OR51E1: variants seen among roughly 807,000 people sequenced by gnomAD.
OR51E1 encodes olfactory receptor family 51 subfamily E member 1, also known as olfactory receptor 51E1.
OR51E1 carries 9 observed loss-of-function variants against 11.5 expected under a neutral mutation model. That is an observed-to-expected ratio of 0.78 (90% CI 0.47 to 1.37). OR51E1 has a LOEUF of 1.37. Ranked by LOEUF, OR51E1 falls within the 40% of genes most tolerant of loss-of-function variation. OR51E1 has a pLI of 0.00. For missense variants in OR51E1, 397 were observed against 410.2 expected, an observed-to-expected ratio of 0.97 and a Z score of 0.28; for synonymous variants, 168 against 158.3, an observed-to-expected ratio of 1.06 and a Z score of -0.46.
Position 4,653,544 on chromosome 11 carries a change from A to T in OR51E1, c.*61A>T. On this transcript the variant is annotated 3_prime_UTR_variant, in exon 2 of 2. Transcript: ENST00000396952. ...CTCTGATTCAGATTTTAATGTTAAC[A>T]TTTTGGAAGACAGTATTCAGAAAAA... The T allele has an allele frequency of 9.4e-7, 1 of 1,067,992 alleles. No individual in the cohort carries two copies. The highest frequency in any genetic ancestry group is 1.4e-6 in the Non-Finnish European group (1 of 729,786). 66.2% of individuals were successfully genotyped at this position (1,067,992 alleles called of 1,614,324 possible).
intron 1 of OR51E1, among the ~76,000 whole-genome samples, chr11:4,649,099 CAA>C (rs976676152): frequency 1.3e-5 from 2 of 152,034 alleles, no homozygotes; most frequent in Non-Finnish European, 2.9e-5. Flanking sequence ...TTTCATCTTC[CAA>C]AACATTAACT....
intron 1 of OR51E1, among the ~76,000 whole-genome samples, chr11:4,647,175 C>A (rs10836412): frequency 0.12 from 18,410 of 152,158 alleles, 1,466 homozygotes; most frequent in East Asian, 0.38. Flanking sequence ...ATACAGATGG[C>A]ACTGTATAGT....
At chr11:4,648,421 G>C (rs1847054841) in intron 1 of OR51E1, among the ~76,000 whole-genome samples, 1 of 152,178 alleles carries the variant, frequency 6.6e-6, no homozygotes, top group African/African-American at 2.4e-5. Flanking sequence ...AATGCACTAT[G>C]TGTACTCCGA....
chr11:4,653,355 A>T lies in OR51E1; in HGVS notation c.829A>T (p.Ile277Phe). The change falls in exon 2 of 2, where the codon ATC (isoleucine) becomes TTC (phenylalanine). Residue 277 changes from isoleucine to phenylalanine, a missense_variant. By Grantham distance (21) the Ile-to-Phe change is conservative. Transcript: ENST00000396952. Reference sequence around the variant, plus strand: ...GCGGCGTGACTCTCCGCTGCCCGTCATCTTGGCCAATATCTATCTGCTGGT... The same window carrying T: ...GCGGCGTGACTCTCCGCTGCCCGTCTTCTTGGCCAATATCTATCTGCTGGT... ...SKRRDSPLPV[I>F]LANIYLLVPP... 6.2e-7 allele frequency: 1 copy of T among 1,614,036 alleles called. No individual in the cohort carries two copies. Among genetic ancestry groups the T allele is most frequent in the Non-Finnish European group, 8.5e-7 (1 of 1,179,910 alleles).
chr11:4,647,988 T>A (rs747024759), intron 1 of OR51E1, among the ~76,000 whole-genome samples: 5 of 152,188 alleles, frequency 3.3e-5, no homozygotes, highest in Non-Finnish European at 7.3e-5. Flanking sequence ...CACCTGGAAG[T>A]CATCTGGTCA....
In OR51E1 at chr11:4,652,899, C is replaced by A; in HGVS notation, c.373C>A (p.Arg125Ser). The A allele has an allele frequency of 2.5e-6, 4 of 1,612,148 alleles. No individual in the cohort carries two copies. Among genetic ancestry groups the A allele is most frequent in the Non-Finnish European group, 3.4e-6 (4 of 1,178,848 alleles). ...STVLLAMAFD[R>S]YVAICHPLRH... ...AGTGCTGCTGGCCATGGCTTTTGACCGCTATGTGGCCATCTGTCACCCACT... is the reference window on the plus strand; with the variant it reads ...AGTGCTGCTGGCCATGGCTTTTGACAGCTATGTGGCCATCTGTCACCCACT... The change falls in exon 2 of 2, where the codon CGC (arginine) becomes AGC (serine). Residue 125 changes from arginine to serine, a missense_variant. Physicochemically the swap from Arg to Ser is moderately radical, Grantham distance 110 (BLOSUM62 -1). Coordinates refer to ENST00000396952, the MANE Select transcript of OR51E1 (RefSeq NM_152430.4).
intron 1 of OR51E1, among the ~76,000 whole-genome samples, chr11:4,644,307 G>A (rs1847001624): frequency 6.6e-6 from 1 of 152,130 alleles, no homozygotes; most frequent in African/African-American, 2.4e-5. Flanking sequence ...AGGCTGGCAG[G>A]GGCTGATGTG....
chr11:4,645,088 T>C (rs1044205197), intron 1 of OR51E1, among the ~76,000 whole-genome samples: 2 of 150,866 alleles, frequency 1.3e-5, no homozygotes, highest in East Asian at 3.9e-4. Context: ...CCAGTATGAG[T>C]GTCCTGCACC....
In OR51E1 at chr11:4,652,700, G is replaced by T; in HGVS notation, c.174G>T (p.Leu58=). Residue 58 remains leucine (L), a synonymous_variant, in exon 2 of 2, where the codon CTG becomes CTT. Transcript: ENST00000396952. Reference sequence around the variant, plus strand: ...ACATTGTGCGGACTGAGCACAGCCTGCATGAGCCCATGTATATATTTCTTT... The same window carrying T: ...ACATTGTGCGGACTGAGCACAGCCTTCATGAGCCCATGTATATATTTCTTT... ...IIYIVRTEHS[L]HEPMYIFLCM... The T allele has an allele frequency of 1.2e-6, 2 of 1,614,060 alleles. No individual in the cohort carries two copies. Among genetic ancestry groups the T allele is most frequent in the African/African-American group, 2.7e-5 (2 of 75,046 alleles).
Position 4,654,300 on chromosome 11 carries a change from T to A in OR51E1, c.*817T>A, listed in dbSNP as rs1038466127. On this transcript the variant is annotated 3_prime_UTR_variant, in exon 2 of 2. Coordinates refer to ENST00000396952, the MANE Select transcript of OR51E1 (RefSeq NM_152430.4). Reference sequence around the variant, plus strand: ...GACCAACAGGGTAGTGGGTTAGAGATTTCCAGAGTCTTACATTTTCTAGAG... The same window carrying A: ...GACCAACAGGGTAGTGGGTTAGAGAATTCCAGAGTCTTACATTTTCTAGAG... 6.0e-6 allele frequency: 1 copy of A among 167,078 alleles called. No homozygotes were observed. Among genetic ancestry groups the A allele is most frequent in the Admixed American group, 6.5e-5 (1 of 15,280 alleles). The allele number at this position is 167,078 out of a possible 1,614,324, so 10.3% of individuals were successfully genotyped here. A position where few individuals can be genotyped will look rare whatever the true frequency, so the allele number is the denominator to read the frequency against.
rs1847136947 is a variant in OR51E1 at position 4,653,898 on chromosome 11, A to G, written c.*415A>G. 1 of 168,946 alleles carries G rather than the reference A, an allele frequency of 5.9e-6. No homozygotes were observed. Among genetic ancestry groups the G allele is most frequent in the African/African-American group, 2.4e-5 (1 of 41,498 alleles). The allele number at this position is 168,946 out of a possible 1,614,324, so 10.5% of individuals were successfully genotyped here. The stretch of plus-strand genomic sequence containing the variant: ...TTAAAACTATAACTTCCTCTTCAGA[A>G]CTCCCAACCACATTGGATCTCAGAA... On this transcript the variant is annotated 3_prime_UTR_variant, in exon 2 of 2. Coordinates refer to ENST00000396952, the MANE Select transcript of OR51E1 (RefSeq NM_152430.4).
Position 4,653,274 on chromosome 11 carries a change from G to A in OR51E1, c.748G>A (p.Val250Met), listed in dbSNP as rs779623409. ...FGTCVSHVCA[V>M]FIFYVPFIGL... ...CACTTGCGTCTCTCATGTGTGTGCTGTGTTCATATTCTATGTACCTTTCAT... is the reference window on the plus strand; with the variant it reads ...CACTTGCGTCTCTCATGTGTGTGCTATGTTCATATTCTATGTACCTTTCAT... Residue 250 changes from valine (V) to methionine (M), a missense_variant, in exon 2 of 2, where the codon GTG becomes ATG. Coordinates refer to ENST00000396952, the MANE Select transcript of OR51E1 (RefSeq NM_152430.4). 5.0e-6 allele frequency: 8 copies of A among 1,614,140 alleles called. No homozygotes were observed. Among genetic ancestry groups the A allele is most frequent in the Non-Finnish European group, 6.8e-6 (8 of 1,180,014 alleles).
rs769042838 is a variant in OR51E1, at chr11:4,652,842, G to T, written c.316G>T (p.Ala106Ser). The stretch of plus-strand genomic sequence containing the variant: ...TGATGCTTGTCTGCTACAGATGTTT[G>T]CCATCCACTCCTTATCTGGCATGGA... Reference protein sequence around the residue: ...QFDACLLQMFAIHSLSGMEST... With the variant: ...QFDACLLQMFSIHSLSGMEST... The change falls in exon 2 of 2, where the codon GCC becomes TCC. Residue 106 changes from alanine to serine, a missense_variant. By Grantham distance (99) the Ala-to-Ser change is moderately conservative. Coordinates refer to ENST00000396952, the MANE Select transcript of OR51E1 (RefSeq NM_152430.4). 2 of 1,614,050 alleles carry T rather than the reference G, an allele frequency of 1.2e-6. No individual in the cohort carries two copies. The highest frequency in any genetic ancestry group is 2.2e-5 in the East Asian group (1 of 44,880).
chr11:4,645,071 C>G (rs4910657), intron 1 of OR51E1, among the ~76,000 whole-genome samples: 31,279 of 152,034 alleles, frequency 0.21, 3,549 homozygotes, highest in Admixed American at 0.31. Flanking sequence ...TTTTCTGACC[C>G]CTGTCTCCAG....
chr11:4,648,792 C>A (rs989977695), intron 1 of OR51E1, among the ~76,000 whole-genome samples: 2 of 152,184 alleles, frequency 1.3e-5, no homozygotes, highest in Non-Finnish European at 2.9e-5. Context: ...CTCTTAGGCA[C>A]AAATTGTGCT....
Position 4,653,124 on chromosome 11 carries a change from G to T in OR51E1, c.598G>T (p.Val200Phe), listed in dbSNP as rs202077605. ...CTGTGATGATATCCGGGTCAATGTC[G>T]TCTATGGCCTTATCGTCATCATCTC... ...LACDDIRVNV[V>F]YGLIVIISAI... Residue 200 changes from valine to phenylalanine, a missense_variant, in exon 2 of 2, where the codon GTC becomes TTC. Transcript: ENST00000396952. The T allele has an allele frequency of 1.2e-6, 2 of 1,613,548 alleles. No individual in the cohort carries two copies. The highest frequency in any genetic ancestry group is 1.7e-6 in the Non-Finnish European group (2 of 1,179,674).
rs1269458344 is a variant in OR51E1 at position 4,652,555 on chromosome 11, C to T, written c.29C>T (p.Ser10Phe). 6.2e-7 allele frequency: 1 copy of T among 1,613,584 alleles called. No individual in the cohort carries two copies. The highest frequency in any genetic ancestry group is 1.7e-5 in the Admixed American group (1 of 59,998). Residue 10 changes from serine to phenylalanine, a missense_variant, in exon 2 of 2, where the codon TCC becomes TTC. Ser to Phe is a radical substitution (Grantham distance 155). Coordinates refer to ENST00000396952, the MANE Select transcript of OR51E1 (RefSeq NM_152430.4). MMVDPNGNESSATYFILIGL... is the reference protein window; with the variant it reads MMVDPNGNEFSATYFILIGL... ...ATGGTGGATCCCAATGGCAATGAAT[C>T]CAGTGCTACATACTTCATCCTAATA...
chr11:4,647,904 A>G (rs1847048519), intron 1 of OR51E1, among the ~76,000 whole-genome samples: 1 of 152,126 alleles, frequency 6.6e-6, no homozygotes, highest in Admixed American at 6.5e-5. Context: ...AAAATAATTT[A>G]GTTCCAAGTT....
At chr11:4,652,252 C>G (rs1847107382) in intron 1 of OR51E1, among the ~76,000 whole-genome samples, 1 of 152,144 alleles carries the variant, frequency 6.6e-6, no homozygotes, top group Admixed American at 6.5e-5. Context: ...TTGTCTTAGT[C>G]TTTCACTTGC....
Sources: gnomAD v4.1 joint callset for allele counts (sites outside exome capture counted in the v4.1 genomes callset) on GRCh38, gnomAD v4.1.1 for gene constraint, MANE v1.5 for transcripts, NCBI Gene and HGNC (gene_info 2026-07-23, HGNC 2026-07-21) for gene names.